Variants in TUSC3 observed in about 807,000 individuals in gnomAD.
TUSC3 encodes tumor suppressor candidate 3.
In TUSC3, 45 loss-of-function variants were observed where a neutral mutation model predicts 44.8. That is an observed-to-expected ratio of 1.00 (90% CI 0.79 to 1.29). The LOEUF is 1.29. Among genes scored for constraint, TUSC3 ranks in the 50% most tolerant of loss-of-function variants. The pLI is 0.00. For missense variants in TUSC3, 519 were observed against 437.9 expected (o/e 1.19, Z -1.65); for synonymous variants, 212 against 152.9 (o/e 1.39, Z -2.85).
chr8:15,672,549 T>A (rs1321640854), intron 5 of TUSC3, among the ~76,000 whole-genome samples: 1 of 152,074 alleles, frequency 6.6e-6, no homozygotes, highest in Non-Finnish European at 1.5e-5. Flanking sequence ...TATTATAATT[T>A]ATAAGCCTCC....
At chr8:15,786,999 G>C in the TUSC3 span, among the ~76,000 whole-genome samples, 1 of 148,626 alleles carries the variant, frequency 6.7e-6, no homozygotes, top group Non-Finnish European at 1.5e-5. Context: ...TTTGAAGGTA[G>C]TAGGGAAGTC....
At chr8:15,566,151 A>G (rs997925857) in intron 1 of TUSC3, among the ~76,000 whole-genome samples, 1 of 152,156 alleles carries the variant, frequency 6.6e-6, no homozygotes, top group African/African-American at 2.4e-5. Flanking sequence ...CAACGTTATC[A>G]GAAGATGCTA....
rs151330197 is a variant in TUSC3 at position 15,735,049 on chromosome 8, G to A, written c.862+4320G>A. ...TTGAAGTATTATGAGGTTGAGCCCC[G>A]CATGTCTTCTTGATAAATTTGGCTG... On this transcript the variant is annotated intron_variant, in intron 7 of 10. Coordinates refer to ENST00000503731, the MANE Select transcript of TUSC3 (RefSeq NM_006765.4). 4.3e-3 allele frequency among the ~76,000 whole-genome samples: 660 copies of A among 152,240 alleles called. 14 individuals are homozygous for A. Among genetic ancestry groups the A allele is most frequent in the East Asian group, 1.2e-3 (6 of 5,184 alleles).
chr8:15,477,622 T>A (rs969848710), intron 1 of TUSC3, among the ~76,000 whole-genome samples: 1 of 152,014 alleles, frequency 6.6e-6, no homozygotes, highest in Non-Finnish European at 1.5e-5. Context: ...CTTGGGAGGC[T>A]GAGGTAGGAG....
chr8:15,725,957 C>T (rs1328816807), intron 6 of TUSC3, among the ~76,000 whole-genome samples: 2 of 152,142 alleles, frequency 1.3e-5, no homozygotes, highest in Non-Finnish European at 2.9e-5. Context: ...ATTATTAACA[C>T]TGGAAACTGA....
chr8:15,457,458 A>G (rs1800272308), intron 1 of TUSC3, among the ~76,000 whole-genome samples: 1 of 151,774 alleles, frequency 6.6e-6, no homozygotes, highest in Non-Finnish European at 1.5e-5. Flanking sequence ...TAACACTTTC[A>G]TAGTGAAAAG....
the TUSC3 span, among the ~76,000 whole-genome samples, chr8:15,850,450 T>C: frequency 6.6e-6 from 1 of 152,190 alleles, no homozygotes; most frequent in African/African-American, 2.4e-5. Context: ...TATTTTCTGG[T>C]TATTTAACTC....
At chr8:15,670,567 G>A (rs764261135) in intron 5 of TUSC3, among the ~76,000 whole-genome samples, 6 of 151,768 alleles carry the variant, frequency 4.0e-5, no homozygotes, top group Non-Finnish European at 7.4e-5. Context: ...AGTAAAATGC[G>A]AACATTAGCA....
intron 1 of TUSC3, among the ~76,000 whole-genome samples, chr8:15,607,268 A>G (rs1196459375): frequency 6.6e-6 from 1 of 152,114 alleles, no homozygotes; most frequent in African/African-American, 2.4e-5. Flanking sequence ...TTAATGAGGC[A>G]GGCACCGGCC....
chr8:15,542,303 C>G (rs1228337666), intron 1 of TUSC3, among the ~76,000 whole-genome samples: 1 of 151,950 alleles, frequency 6.6e-6, no homozygotes, highest in African/African-American at 2.4e-5. Context: ...GATGAAGCCT[C>G]CAGGTGGCAG....
intron 1 of TUSC3, among the ~76,000 whole-genome samples, chr8:15,618,444 A>G (rs1805093086): frequency 6.6e-6 from 1 of 152,110 alleles, no homozygotes; most frequent in Non-Finnish European, 1.5e-5. Flanking sequence ...TTTATTGTTG[A>G]AAACTAAGAC....
chr8:15,621,176 T>A (rs1477161570), intron 1 of TUSC3, among the ~76,000 whole-genome samples: 1 of 151,864 alleles, frequency 6.6e-6, no homozygotes, highest in East Asian at 1.9e-4. Flanking sequence ...AATATTTATA[T>A]AGTTTTTATC....
intron 1 of TUSC3, among the ~76,000 whole-genome samples, chr8:15,555,817 T>A (rs562903001): frequency 8.3e-4 from 126 of 151,592 alleles, no homozygotes; most frequent in African/African-American, 3.0e-3. Flanking sequence ...AAGTATTAAC[T>A]TTAGGTAAAT....
chr8:15,850,350 TTC>T, the TUSC3 span, among the ~76,000 whole-genome samples: 6 of 152,196 alleles, frequency 3.9e-5, no homozygotes, highest in African/African-American at 1.4e-4. Flanking sequence ...TTTAGGTTTG[TTC>T]TCCCATAGTT....
intron 2 of TUSC3, among the ~76,000 whole-genome samples, chr8:15,520,992 T>G (rs911181460): frequency 1.3e-5 from 2 of 152,172 alleles, no homozygotes; most frequent in Admixed American, 6.5e-5. Flanking sequence ...AGCTTGGGAC[T>G]GTACCACTCC....
intron 1 of TUSC3, among the ~76,000 whole-genome samples, chr8:15,424,342 C>G (rs7815661): frequency 0.75 from 113,737 of 151,792 alleles, 43,012 homozygotes; most frequent in African/African-American, 0.78. Context: ...CAACCTGGAG[C>G]GTTGTTATTC....
At chr8:15,851,916 G>T in the TUSC3 span, among the ~76,000 whole-genome samples, 1 of 152,088 alleles carries the variant, frequency 6.6e-6, no homozygotes, top group Non-Finnish European at 1.5e-5. Flanking sequence ...TCGTGGTAGT[G>T]GGTAAGTCTC....
chr8:15,492,673 A>C (rs1469511983), intron 2 of TUSC3, among the ~76,000 whole-genome samples: 1 of 152,010 alleles, frequency 6.6e-6, no homozygotes, highest in Non-Finnish European at 1.5e-5. Context: ...ACAGTGGCTC[A>C]CACCTGTAAT....
chr8:15,589,200 T>G (rs373910049), intron 1 of TUSC3, among the ~76,000 whole-genome samples: 1 of 152,218 alleles, frequency 6.6e-6, no homozygotes, highest in East Asian at 1.9e-4. Flanking sequence ...CCTATATGTG[T>G]CTTTACAGGT....
Sources: gnomAD v4.1 joint callset for allele counts (sites outside exome capture counted in the v4.1 genomes callset) on GRCh38, gnomAD v4.1.1 for gene constraint, MANE v1.5 for transcripts, NCBI Gene and HGNC (gene_info 2026-07-23, HGNC 2026-07-21) for gene names.